CNTNAP2: variants seen among roughly 807,000 people sequenced by gnomAD.
CNTNAP2 encodes the protein contactin-associated protein-like 2.
CNTNAP2 carries 98 observed loss-of-function variants against 155.2 expected under a neutral mutation model. The observed-to-expected ratio is 0.63, with a 90% confidence interval of 0.54 to 0.75. The LOEUF is 0.75. CNTNAP2 is among the 30% of genes least tolerant of loss of function. The pLI is 0.00. For missense variants in CNTNAP2, 1,727 were observed against 1,688.1 expected (o/e 1.02, Z -0.40); for synonymous variants, 651 against 631.2 (o/e 1.03, Z -0.47).
intron 3 of CNTNAP2, among the ~76,000 whole-genome samples, chr7:146,961,197 C>A (rs1584750728): frequency 6.6e-6 from 1 of 152,286 alleles, no homozygotes; most frequent in East Asian, 1.9e-4. Flanking sequence ...CCCCTGCTGG[C>A]AGTACCAGTG....
At chr7:146,825,422 G>T (rs1803381521) in intron 2 of CNTNAP2, among the ~76,000 whole-genome samples, 1 of 152,106 alleles carries the variant, frequency 6.6e-6, no homozygotes, top group Non-Finnish European at 1.5e-5. Context: ...GCCAGCCAAA[G>T]AGAAGGGAAT....
intron 1 of CNTNAP2, among the ~76,000 whole-genome samples, chr7:146,281,968 T>C (rs1229253407): frequency 6.6e-6 from 1 of 152,166 alleles, no homozygotes; most frequent in Non-Finnish European, 1.5e-5. Context: ...AATTGTACCT[T>C]ACCATATGCC....
intron 21 of CNTNAP2, among the ~76,000 whole-genome samples, chr7:148,306,210 T>A (rs1363043261): frequency 6.6e-6 from 1 of 152,252 alleles, no homozygotes; most frequent in Non-Finnish European, 1.5e-5. Flanking sequence ...ATTCTTTATT[T>A]GAACTCGGTG....
intron 10 of CNTNAP2, among the ~76,000 whole-genome samples, chr7:147,481,958 TAATC>T (rs1048206316): frequency 6.6e-6 from 1 of 152,168 alleles, no homozygotes; most frequent in African/African-American, 2.4e-5. Flanking sequence ...TAGATACAAA[TAATC>T]TATATTTCTC....
intron 11 of CNTNAP2, among the ~76,000 whole-genome samples, chr7:147,531,806 CT>C (rs200069487): frequency 0.15 from 19,081 of 129,568 alleles, 1,442 homozygotes; most frequent in East Asian, 0.35. Flanking sequence ...TTTTTCTTTT[CT>C]TTTTTTTTTT....
At chr7:146,600,654 C>A (rs1015363801) in intron 1 of CNTNAP2, among the ~76,000 whole-genome samples, 6 of 151,982 alleles carry the variant, frequency 3.9e-5, no homozygotes, top group African/African-American at 1.5e-4. Flanking sequence ...GTATTCTGTA[C>A]CTTTTTAGTA....
Position 147,315,575 on chromosome 7 carries a change from G to A in CNTNAP2, c.1498+15285G>A, listed in dbSNP as rs542561960. ...CGGCTCACTGCAAGCTCCGCCTCCC[G>A]GGTTCACGCCATTCTCCTGCCTCAG... On this transcript the variant is annotated intron_variant, in intron 9 of 23. Transcript: ENST00000361727. Among the ~76,000 whole-genome samples the A allele has an allele frequency of 4.0e-5, 6 of 148,704 alleles. No individual in the cohort carries two copies. In the East Asian group the frequency reaches 8.1e-4, roughly 20 times the overall value.
At chr7:146,341,216 T>G (rs1801377715) in intron 1 of CNTNAP2, among the ~76,000 whole-genome samples, 1 of 152,170 alleles carries the variant, frequency 6.6e-6, no homozygotes, top group Admixed American at 6.5e-5. Context: ...GATCAGATTA[T>G]AAGTCCTAAA....
intron 1 of CNTNAP2, among the ~76,000 whole-genome samples, chr7:146,604,955 G>T (rs2129152665): frequency 7.4e-6 from 1 of 135,408 alleles, no homozygotes; most frequent in South Asian, 2.7e-4. Context: ...GGATAGCATT[G>T]GGAGATATAC....
Position 148,329,648 on chromosome 7 carries a change from T to C in CNTNAP2, c.3476-54001T>C, listed in dbSNP as rs1797951496. Among the ~76,000 whole-genome samples the C allele has an allele frequency of 2.0e-5, 3 of 152,316 alleles. No individual in the cohort carries two copies. In the South Asian group the frequency reaches 6.2e-4, roughly 32 times the overall value. ...GAAGGGGAAGGTCTTGAGGAGAGGC[T>C]CCTGGTAGGTTTTTTCTGATCAATA... On this transcript the variant is annotated intron_variant, in intron 21 of 23. Transcript: ENST00000361727.
intron 3 of CNTNAP2, among the ~76,000 whole-genome samples, chr7:146,855,172 G>A (rs1216968650): frequency 6.6e-6 from 1 of 152,080 alleles, no homozygotes; most frequent in South Asian, 2.1e-4. Context: ...AGACCGAAAA[G>A]GTTGTTTATA....
At chr7:147,244,490 T>A (rs981034291) in intron 8 of CNTNAP2, among the ~76,000 whole-genome samples, 4 of 152,182 alleles carry the variant, frequency 2.6e-5, no homozygotes, top group Non-Finnish European at 2.9e-5. Flanking sequence ...CTTGACAATA[T>A]AAAGCAGTCC....
At chr7:146,224,026 C>G (rs1799250758) in intron 1 of CNTNAP2, among the ~76,000 whole-genome samples, 1 of 152,138 alleles carries the variant, frequency 6.6e-6, no homozygotes, top group Non-Finnish European at 1.5e-5. Context: ...CTCAAATTGT[C>G]CTGTTAAAAA....
At chr7:148,168,947 A>G (rs1805724994) in intron 17 of CNTNAP2, among the ~76,000 whole-genome samples, 1 of 152,210 alleles carries the variant, frequency 6.6e-6, no homozygotes, top group Non-Finnish European at 1.5e-5. Context: ...GCCTCTGACC[A>G]AAGGCAGGAA....
intron 10 of CNTNAP2, among the ~76,000 whole-genome samples, chr7:147,472,551 C>T (rs894309158): frequency 1.3e-5 from 2 of 152,016 alleles, no homozygotes; most frequent in African/African-American, 2.4e-5. Context: ...TGTGAAAGAT[C>T]AGTCTGCCAT....
At chr7:146,631,565 A>T (rs1799511668) in intron 1 of CNTNAP2, among the ~76,000 whole-genome samples, 1 of 152,104 alleles carries the variant, frequency 6.6e-6, no homozygotes, top group Non-Finnish European at 1.5e-5. Context: ...CAGGTTCTTC[A>T]CTTGTTCTTT....
At chr7:147,356,496 G>A (rs1563172974) in intron 9 of CNTNAP2, among the ~76,000 whole-genome samples, 1 of 152,092 alleles carries the variant, frequency 6.6e-6, no homozygotes, top group Non-Finnish European at 1.5e-5. Flanking sequence ...GATTGTCTGT[G>A]TTTGCAGATG....
In CNTNAP2 at chr7:146,215,239, G is replaced by A. The variant is rs192201203; in HGVS notation, c.97+98266G>A. The stretch of plus-strand genomic sequence containing the variant: ...AATCCAATGGCCAACTGATTTGGAA[G>A]CTACTCATACAAAATAATACTTGCG... On this transcript the variant is annotated intron_variant, in intron 1 of 23. Coordinates refer to ENST00000361727, the MANE Select transcript of CNTNAP2 (RefSeq NM_014141.6). Among the ~76,000 whole-genome samples the A allele has an allele frequency of 1.8e-3, 279 of 152,266 alleles. 3 individuals carry two copies. Among genetic ancestry groups the A allele is most frequent in the Non-Finnish European group, 7.2e-4 (49 of 68,022 alleles).
At chr7:147,156,295 G>A (rs1801925653) in intron 8 of CNTNAP2, among the ~76,000 whole-genome samples, 1 of 152,114 alleles carries the variant, frequency 6.6e-6, no homozygotes, top group South Asian at 2.1e-4. Flanking sequence ...TACACAAATT[G>A]ATGACCCAAA....
Sources: allele counts gnomAD v4.1 joint callset (sites outside exome capture counted in the v4.1 genomes callset), GRCh38; gene constraint gnomAD v4.1.1; transcripts MANE v1.5; gene names NCBI Gene and HGNC (gene_info 2026-07-23, HGNC 2026-07-21).